PLD3: variants seen among roughly 807,000 people sequenced by gnomAD.
PLD3 encodes the protein 5'-3' exonuclease PLD3.
In PLD3, 31 loss-of-function variants were observed where a neutral mutation model predicts 58.4. The observed-to-expected ratio is 0.53, with a 90% CI of 0.40 to 0.72. PLD3 has a LOEUF of 0.72. PLD3 is among the 30% of genes least tolerant of loss of function. PLD3 has a pLI of 0.00. For synonymous variants in PLD3, 264 were observed against 273.4 expected (o/e 0.97, Z 0.34); for missense variants, 595 against 659.8 (o/e 0.90, Z 1.08).
At chr19:40,368,973 A>G (rs1321458257) in intron 6 of PLD3, among the ~76,000 whole-genome samples, 1 of 151,880 alleles carries the variant, frequency 6.6e-6, no homozygotes, top group Non-Finnish European at 1.5e-5. Context: ...AAAGTTAAAA[A>G]CCAAAGCCAG....
chr19:40,353,572 CTT>C (rs2078572593), intron 1 of PLD3, among the ~76,000 whole-genome samples: 1 of 151,736 alleles, frequency 6.6e-6, no homozygotes, highest in Non-Finnish European at 1.5e-5. Flanking sequence ...TTTTTCTTTT[CTT>C]TTCTTTTCTT....
In PLD3 at chr19:40,374,692, G is replaced by C. The variant is rs539989098; in HGVS notation, c.1019+72G>C. ...ACGGGAGAGGGAATCATGGAGACCA[G>C]AAAGCTGGTGGGGGCTCCAGGCAAG... On this transcript the variant is annotated intron_variant, in intron 10 of 12. Coordinates refer to ENST00000409735, the MANE Select transcript of PLD3 (RefSeq NM_012268.4). The C allele has an allele frequency of 7.8e-5, 121 of 1,555,158 alleles. 1 individual carries two copies. The highest frequency in any genetic ancestry group is 7.1e-4 in the Admixed American group (42 of 59,242).
At chr19:40,365,286 T>TG (rs1222184933) in intron 1 of PLD3, among the ~76,000 whole-genome samples, 2 of 152,198 alleles carry the variant, frequency 1.3e-5, no homozygotes, top group African/African-American at 4.8e-5. Context: ...TTGGGAGATA[T>TG]GGGATGGGGT....
At chr19:40,352,972 A>C (rs1475383289) in intron 1 of PLD3, among the ~76,000 whole-genome samples, 1 of 152,196 alleles carries the variant, frequency 6.6e-6, no homozygotes, top group Non-Finnish European at 1.5e-5. Flanking sequence ...TCTCAAAAAA[A>C]ATCAAAAATG....
At chr19:40,352,910 A>T (rs913969463) in intron 1 of PLD3, among the ~76,000 whole-genome samples, 1 of 151,934 alleles carries the variant, frequency 6.6e-6, no homozygotes, top group South Asian at 2.1e-4. Flanking sequence ...CTGCAGTGAG[A>T]TGTGTTCCCA....
At position 40,375,738 on chromosome 19, in the gene PLD3, T is replaced by C. The variant is rs1219476157; in HGVS notation, c.1020-871T>C. ...AGGTGGATGATGGCACTTGTGGGGCTCAAAGAAGGTATTCTAGGGGCAGTA... is the reference window on the plus strand; with the variant it reads ...AGGTGGATGATGGCACTTGTGGGGCCCAAAGAAGGTATTCTAGGGGCAGTA... On this transcript the variant is annotated intron_variant, in intron 10 of 12. Coordinates refer to ENST00000409735, the MANE Select transcript of PLD3 (RefSeq NM_012268.4). Among the ~76,000 whole-genome samples the C allele has an allele frequency of 4.6e-5, 7 of 150,994 alleles. 1 individual carries two copies. The East Asian group carries it at 7.8e-4, about 17-fold the overall frequency.
intron 5 of PLD3, 61 bp downstream of exon 5, chr19:40,366,976 A>C (rs879058909): frequency 1.1e-5 from 16 of 1,521,092 alleles, no homozygotes; most frequent in East Asian, 9.1e-5. Context: ...ACACTTAAGC[A>C]CACACTAAAC....
At chr19:40,371,579 G>A in intron 8 of PLD3, 94 bp from the exon 9 acceptor site, 1 of 770,978 alleles carries the variant, frequency 1.3e-6, no homozygotes, top group Non-Finnish European at 2.2e-6. Flanking sequence ...GGTACTGTGG[G>A]ACAGGGGGAA....
intron 1 of PLD3, among the ~76,000 whole-genome samples, chr19:40,353,704 G>T (rs1267537462): frequency 6.7e-6 from 1 of 148,290 alleles, no homozygotes; most frequent in Admixed American, 6.8e-5. Flanking sequence ...TCAGCCTCCC[G>T]AGTAGCTGGG....
intron 8 of PLD3, chr19:40,370,523 A>G: frequency 3.8e-6 from 1 of 264,782 alleles, no homozygotes; most frequent in Non-Finnish European, 7.3e-6. Flanking sequence ...AAAAAAAAAA[A>G]TAAGCCCGGT....
chr19:40,362,300 G>A (rs922335760), intron 1 of PLD3, among the ~76,000 whole-genome samples: 1 of 152,200 alleles, frequency 6.6e-6, no homozygotes, highest in Admixed American at 6.5e-5. Context: ...GAGCACAGAG[G>A]TGTTGTCACT....
Position 40,377,884 on chromosome 19 carries a change from C to T in PLD3, c.1284C>T (p.Ile428=), listed in dbSNP as rs758124483. ...KYMVTERATY[I]GTSNWSGNYF... Reference sequence around the variant, plus strand: ...TGGTGACTGAACGCGCCACCTACATCGGTGAGTGTCTTGAGCACCACGGGG... The same window carrying T: ...TGGTGACTGAACGCGCCACCTACATTGGTGAGTGTCTTGAGCACCACGGGG... The change falls in exon 12 of 13, where the codon ATC becomes ATT. Residue 428 remains isoleucine, a splice_region_variant and synonymous_variant. Coordinates refer to ENST00000409735, the MANE Select transcript of PLD3 (RefSeq NM_012268.4). The T allele has an allele frequency of 5.6e-6, 9 of 1,613,736 alleles. No individual in the cohort carries two copies. The highest frequency in any genetic ancestry group is 6.8e-6 in the Non-Finnish European group (8 of 1,179,658).
At chr19:40,357,838 T>A (rs2078689954) in intron 1 of PLD3, 2 of 152,220 alleles carry the variant, frequency 1.3e-5, no homozygotes, top group African/African-American at 4.8e-5. Flanking sequence ...CCAACTAGCA[T>A]GTTTCAAGGG....
At position 40,348,786 on chromosome 19, in the gene PLD3, G is replaced by A. The variant is rs939927574; in HGVS notation, c.-279+18G>A. On this transcript the variant is annotated intron_variant, in intron 1 of 12. Coordinates refer to ENST00000409735, the MANE Select transcript of PLD3 (RefSeq NM_012268.4). ...GAGTGCAGGTACTGTGCGATCTGGG[G>A]GCGCGGCGCCTCGGCTACCCTCCTC... 1 of 330,812 alleles carries A rather than the reference G, an allele frequency of 3.0e-6. No individual in the cohort carries two copies. The highest frequency in any genetic ancestry group is 2.2e-5 in the African/African-American group (1 of 46,426). 20.5% of individuals were successfully genotyped at this position (330,812 alleles called of 1,614,324 possible).
At chr19:40,371,475 TC>T (rs1474336378) in intron 8 of PLD3, 197 bp from the exon 9 acceptor site, 50 of 585,638 alleles carry the variant, frequency 8.5e-5, no homozygotes, top group African/African-American at 1.3e-4. Context: ...TTGCAAACGT[TC>T]AGGAAACCTG....
intron 10 of PLD3, 136 bp from the exon 11 acceptor site, chr19:40,376,473 T>C: frequency 1.3e-6 from 1 of 775,134 alleles, no homozygotes; most frequent in Non-Finnish European, 2.1e-6. Flanking sequence ...AGGAACAGGG[T>C]CTGGGAGCCA....
At chr19:40,364,473 C>T (rs1411208107) in intron 1 of PLD3, among the ~76,000 whole-genome samples, 1 of 150,592 alleles carries the variant, frequency 6.6e-6, no homozygotes, top group African/African-American at 2.4e-5. Flanking sequence ...AAGCAAGACC[C>T]CGTCTATACA....
chr19:40,358,399 C>T (rs1415605817), intron 1 of PLD3: 2 of 152,406 alleles, frequency 1.3e-5, no homozygotes, highest in African/African-American at 2.4e-5. Flanking sequence ...CCCGAGTAGC[C>T]TGCCACCATG....
rs949270231 is a variant in PLD3 at position 40,376,640 on chromosome 19, C to T, written c.1051C>T (p.Arg351Trp). The change falls in exon 11 of 13, where the codon CGG (arginine) becomes TGG (tryptophan). Residue 351 changes from arginine to tryptophan, a missense_variant. Arg to Trp is a moderately radical substitution (Grantham distance 101, BLOSUM62 -3). Coordinates refer to ENST00000409735, the MANE Select transcript of PLD3 (RefSeq NM_012268.4). ...GCCTGCCATTGACGATGGGCTGCGG[C>T]GGGCCACCTACGAGCGTGGCGTCAA... ...FWPAIDDGLR[R>W]ATYERGVKVR... 10 of 1,608,530 alleles carry T rather than the reference C, an allele frequency of 6.2e-6. No homozygotes were observed. In the East Asian group the frequency reaches 6.7e-5, roughly 11 times the overall value.
Sources: gnomAD v4.1 joint callset for allele counts (sites outside exome capture counted in the v4.1 genomes callset) on GRCh38, gnomAD v4.1.1 for gene constraint, MANE v1.5 for transcripts, NCBI Gene and HGNC (gene_info 2026-07-23, HGNC 2026-07-21) for gene names.